The following IFI16 variants were observed in gnomAD, a reference collection of about 807,000 sequenced individuals.
IFI16 encodes gamma-interferon-inducible protein 16.
Under a neutral mutation model 68.4 loss-of-function variants are expected in IFI16, and 49 were observed. The observed-to-expected ratio is 0.72, with a 90% CI of 0.57 to 0.91. The LOEUF (loss-of-function observed/expected upper bound fraction) is 0.91. IFI16 is among the 40% of genes least tolerant of loss of function. The pLI is 0.00. For missense variants in IFI16, 878 were observed against 942.9 expected, an observed-to-expected ratio of 0.93 and a Z score of 0.90; for synonymous variants, 307 against 315.0, an observed-to-expected ratio of 0.97 and a Z score of 0.27.
At chr1:159,024,816 A>T (rs1406129443) in intron 6 of IFI16, among the ~76,000 whole-genome samples, 2 of 152,192 alleles carry the variant, frequency 1.3e-5, no homozygotes, top group African/African-American at 4.8e-5. Flanking sequence ...TATATAAAAG[A>T]TGTATTAAAA....
At chr1:159,018,730 T>C (rs1404517769) in intron 5 of IFI16, 79 bp downstream of exon 5, 3 of 1,026,658 alleles carry the variant, frequency 2.9e-6, no homozygotes, top group Non-Finnish European at 2.9e-6. Context: ...GATGAAGCTT[T>C]GCCTATAAAC....
At chr1:159,004,751 T>C (rs1241644391), upstream of IFI16, among the ~76,000 whole-genome samples, 2 of 152,094 alleles carry the variant, frequency 1.3e-5, no homozygotes, top group Non-Finnish European at 2.9e-5. Context: ...CTGACAACAG[T>C]AGAGAATCTC....
At chr1:159,012,754 T>C (rs890409189) in intron 1 of IFI16, among the ~76,000 whole-genome samples, 2 of 152,132 alleles carry the variant, frequency 1.3e-5, no homozygotes, top group African/African-American at 4.8e-5. Flanking sequence ...CTGTACCAAT[T>C]AGGCGGGAAG....
chr1:159,033,473 G>A (rs1279180806), intron 7 of IFI16, among the ~76,000 whole-genome samples: 7 of 152,156 alleles, frequency 4.6e-5, no homozygotes, highest in Non-Finnish European at 1.0e-4. Context: ...TCCACTTTTT[G>A]AGCACTTAAC....
intron 6 of IFI16, among the ~76,000 whole-genome samples, chr1:159,021,285 G>A (rs1334484245): frequency 1.3e-5 from 2 of 152,004 alleles, no homozygotes; most frequent in Non-Finnish European, 2.9e-5. Context: ...AAAGTCCATT[G>A]TATCATTCTT....
Position 159,015,064 on chromosome 1 carries a change from G to T in IFI16, c.265+119G>T, listed in dbSNP as rs899176549. On this transcript the variant is annotated intron_variant, in intron 2 of 11. Coordinates refer to ENST00000295809, the MANE Select transcript of IFI16 (RefSeq NM_001376587.1). ...GTTTTCCCCAGTTTGTGACTCAACA[G>T]CTGAGACAATGTTGGTACTTCAGAG... is the stretch of plus-strand genomic sequence containing the variant. 84 of 968,834 alleles carry T rather than the reference G, an allele frequency of 8.7e-5. No individual in the cohort carries two copies. The African/African-American group carries it at 1.1e-3, about 13-fold the overall frequency. The allele number at this position is 968,834 out of a possible 1,614,324, so 60.0% of individuals were successfully genotyped here.
intron 6 of IFI16, among the ~76,000 whole-genome samples, chr1:159,028,372 G>A (rs1653796412): frequency 6.6e-6 from 1 of 152,100 alleles, no homozygotes; most frequent in South Asian, 2.1e-4. Context: ...TAGTCTGAGA[G>A]AGTACTTGAT....
chr1:159,003,284 A>G (rs910832228), upstream of IFI16, among the ~76,000 whole-genome samples: 1 of 152,198 alleles, frequency 6.6e-6, no homozygotes, highest in Non-Finnish European at 1.5e-5. Flanking sequence ...TGTTTCTGCT[A>G]TTAGTTATTT....
Position 159,049,529 on chromosome 1 carries a change from G to C in IFI16, c.1595G>C (p.Gly532Ala), listed in dbSNP as rs1363216567. 1 of 1,604,614 alleles carries C rather than the reference G, an allele frequency of 6.2e-7. No homozygotes were observed. The highest frequency in any genetic ancestry group is 8.5e-7 in the Non-Finnish European group (1 of 1,175,524). Residue 532 changes from glycine to alanine, a missense_variant, in exon 9 of 12, where the codon GGC (glycine) becomes GCC (alanine). Transcript: ENST00000295809. ...CCAGGACCGTTCATGACCAGCATAG[G>C]CCCAGCTGAGAGCCATCCCCACACT... is the stretch of plus-strand genomic sequence containing the variant. ...HFPGPFMTSI[G>A]PAESHPHTPQ...
intron 8 of IFI16, among the ~76,000 whole-genome samples, chr1:159,048,972 G>A (rs1376643424): frequency 6.6e-6 from 1 of 151,316 alleles, no homozygotes; most frequent in East Asian, 1.9e-4. Flanking sequence ...TTATGGCTAC[G>A]ATCAGAGATC....
At chr1:159,020,596 A>C in intron 6 of IFI16, 67 bp downstream of exon 6, 11 of 1,245,936 alleles carry the variant, frequency 8.8e-6, no homozygotes, top group Non-Finnish European at 1.2e-5. Flanking sequence ...TTTTGGCAAA[A>C]ACAAGTTTGT....
At chr1:159,047,340 G>A (rs1655056740) in intron 8 of IFI16, among the ~76,000 whole-genome samples, 2 of 148,808 alleles carry the variant, frequency 1.3e-5, no homozygotes, top group South Asian at 4.3e-4. Flanking sequence ...TTCTTCTTGG[G>A]CAGAACTAGC....
At chr1:159,049,646 G>T (rs771786034) in intron 9 of IFI16, 47 bp downstream of exon 9, 1 of 1,610,096 alleles carries the variant, frequency 6.2e-7, no homozygotes, top group South Asian at 1.1e-5. Flanking sequence ...ACTATATAAT[G>T]ACAAGGATTA....
chr1:159,015,928 G>A lies in IFI16; in HGVS notation c.322G>A (p.Ala108Thr). The A allele has an allele frequency of 1.9e-6, 3 of 1,614,112 alleles. No individual in the cohort carries two copies. Among genetic ancestry groups the A allele is most frequent in the Non-Finnish European group, 2.5e-6 (3 of 1,179,976 alleles). ...RKKEVDATSPAPSTSSTVKTE... is the reference protein window; with the variant it reads ...RKKEVDATSPTPSTSSTVKTE... ...GAAGGAAGTGGATGCTACTTCACCT[G>A]CACCCTCCACAAGCAGCACTGTCAA... The change falls in exon 3 of 12, where the codon GCA becomes ACA. Residue 108 changes from alanine to threonine, a missense_variant. Physicochemically the swap from Ala to Thr is moderately conservative, Grantham distance 58. Coordinates refer to ENST00000295809, the MANE Select transcript of IFI16 (RefSeq NM_001376587.1).
chr1:159,054,986 C>CACTAT lies in IFI16; in HGVS notation c.*88_*92dup, dbSNP rs1245654769. ...GTACATATACCTGGTTGAAATACAA[C>CACTAT]ACTATACATACACACCACCATATAT... is the stretch of plus-strand genomic sequence containing the variant. On this transcript the variant is annotated 3_prime_UTR_variant, in exon 12 of 12. Coordinates refer to ENST00000295809, the MANE Select transcript of IFI16 (RefSeq NM_001376587.1). 1.4e-6 allele frequency: 1 copy of CACTAT among 696,738 alleles called. No individual in the cohort carries two copies. Among genetic ancestry groups the CACTAT allele is most frequent in the Non-Finnish European group, 2.6e-6 (1 of 386,936 alleles). 43.2% of individuals were successfully genotyped at this position (696,738 alleles called of 1,614,324 possible).
intron 6 of IFI16, among the ~76,000 whole-genome samples, chr1:159,021,938 CCTTTTTTTTTTTTTTTTTTTTTTT>C (rs1653346356): frequency 8.1e-6 from 1 of 122,728 alleles, no homozygotes; most frequent in African/African-American, 3.0e-5. Context: ...AGCCCTTAGC[CCTTTTTTTTTTTTTTTTTTTTTTT>C]TTTTTTTTTT....
chr1:159,045,654 A>G (rs536998482), intron 8 of IFI16, among the ~76,000 whole-genome samples, 190 bp downstream of exon 8: 3 of 151,426 alleles, frequency 2.0e-5, no homozygotes, highest in Admixed American at 1.3e-4. Flanking sequence ...TATCATCTCT[A>G]TTCCATAGCA....
intron 9 of IFI16, 23 bp from the exon 10 acceptor site, chr1:159,051,656 T>C: frequency 6.3e-7 from 1 of 1,583,584 alleles, no homozygotes; most frequent in South Asian, 1.1e-5. Context: ...ATTGTGCCTA[T>C]GTTTTGGTCT....
chr1:159,014,710 A>C lies in IFI16; in HGVS notation c.30A>C (p.Leu10=). MGKKYKNIV[L]LKGLEVINDY... ...GAAAAAAATACAAGAACATTGTTCT[A>C]CTAAAAGGATTAGAGGTCATCAATG... Residue 10 remains leucine, a synonymous_variant, in exon 2 of 12, where the codon CTA becomes CTC. Transcript: ENST00000295809. 1.2e-6 allele frequency: 2 copies of C among 1,604,566 alleles called. No homozygotes were observed. Among genetic ancestry groups the C allele is most frequent in the Admixed American group, 1.7e-5 (1 of 58,650 alleles).
Sources: gnomAD v4.1 joint callset for allele counts (sites outside exome capture counted in the v4.1 genomes callset) on GRCh38, gnomAD v4.1.1 for gene constraint, MANE v1.5 for transcripts, NCBI Gene and HGNC (gene_info 2026-07-23, HGNC 2026-07-21) for gene names.